The following WWOX variants were observed in gnomAD, a reference collection of about 807,000 sequenced individuals.
WWOX encodes the protein WW domain containing oxidoreductase.
Under a neutral mutation model 46.2 loss-of-function variants are expected in WWOX, and 69 were observed. The ratio of observed to expected loss-of-function variants is 1.49; its 90% CI spans 1.23 to 1.82. The LOEUF (loss-of-function observed/expected upper bound fraction) is 1.82. Ranked by LOEUF, WWOX falls within the 40% of genes most tolerant of loss-of-function variation. The pLI is 0.00. For synonymous variants in WWOX, 359 were observed against 202.6 expected (o/e 1.77, Z -6.56); for missense variants, 919 against 542.6 (o/e 1.69, Z -6.89).
At chr16:78,847,463 C>A (rs984627492) in intron 8 of WWOX, among the ~76,000 whole-genome samples, 1 of 151,904 alleles carries the variant, frequency 6.6e-6, no homozygotes, top group Non-Finnish European at 1.5e-5. Flanking sequence ...AATTCCAATC[C>A]AACACAACAA....
At chr16:79,062,936 C>G (rs2048380516) in intron 8 of WWOX, among the ~76,000 whole-genome samples, 1 of 152,198 alleles carries the variant, frequency 6.6e-6, no homozygotes, top group South Asian at 2.1e-4. Flanking sequence ...CTCAAAAGGT[C>G]AATTACCCAC....
At chr16:79,070,959 C>A (rs11863027) in intron 8 of WWOX, among the ~76,000 whole-genome samples, 2 of 152,182 alleles carry the variant, frequency 1.3e-5, no homozygotes, top group Non-Finnish European at 2.9e-5. Flanking sequence ...TGGTTTCTTA[C>A]TATGTCCCTC....
intron 8 of WWOX, among the ~76,000 whole-genome samples, chr16:79,009,900 A>G (rs1179320590): frequency 2.6e-5 from 4 of 152,194 alleles, no homozygotes; most frequent in Non-Finnish European, 5.9e-5. Flanking sequence ...TGAGCTTTGG[A>G]ACTTATCAAG....
chr16:78,223,751 T>G (rs1343814469), intron 5 of WWOX, among the ~76,000 whole-genome samples: 2 of 151,968 alleles, frequency 1.3e-5, no homozygotes, highest in African/African-American at 4.8e-5. Flanking sequence ...AGTGGCCACC[T>G]TTGTCAAATG....
At chr16:78,819,035 G>C (rs1490050698) in intron 8 of WWOX, among the ~76,000 whole-genome samples, 1 of 152,164 alleles carries the variant, frequency 6.6e-6, no homozygotes, top group Non-Finnish European at 1.5e-5. Flanking sequence ...AAATTAAATG[G>C]AAACGATAAC....
rs368097320 is a variant in WWOX, at chr16:78,309,875, T to TA, written c.517-76984dup. Among the ~76,000 whole-genome samples, 493 of 152,274 alleles carry TA rather than the reference T, an allele frequency of 3.2e-3. 1 individual carries two copies. Among genetic ancestry groups the TA allele is most frequent in the African/African-American group, 0.011 (468 of 41,554 alleles). Reference sequence around the variant, plus strand: ...TGACAGGTTGTTTAATTGTTCTAGTTAGAGTGTTCTCCTATGTAAATAGGG... The same window carrying TA: ...TGACAGGTTGTTTAATTGTTCTAGTTAAGAGTGTTCTCCTATGTAAATAGGG... On this transcript the variant is annotated intron_variant, in intron 5 of 8. Coordinates refer to ENST00000566780, the MANE Select transcript of WWOX (RefSeq NM_016373.4).
intron 8 of WWOX, among the ~76,000 whole-genome samples, chr16:78,443,151 A>G (rs2083483446): frequency 6.7e-6 from 1 of 149,924 alleles, no homozygotes; most frequent in Non-Finnish European, 1.5e-5. Context: ...AAAAAAAAAA[A>G]AAAAAAGGCT....
intron 8 of WWOX, among the ~76,000 whole-genome samples, chr16:78,817,946 G>C (rs1029974305): frequency 6.6e-6 from 1 of 151,080 alleles, no homozygotes; most frequent in Admixed American, 6.6e-5. Context: ...TTGTTGTGAA[G>C]AACACGTGCC....
At chr16:78,453,734 G>A (rs2083747473) in intron 8 of WWOX, among the ~76,000 whole-genome samples, 1 of 152,090 alleles carries the variant, frequency 6.6e-6, no homozygotes, top group African/African-American at 2.4e-5. Context: ...GTAATACAGG[G>A]TGAATTCCAT....
At chr16:78,805,121 A>T (rs1180260843) in intron 8 of WWOX, among the ~76,000 whole-genome samples, 6 of 150,574 alleles carry the variant, frequency 4.0e-5, no homozygotes, top group Non-Finnish European at 7.4e-5. Flanking sequence ...CTACCAAAAT[A>T]TCAAAATTTA....
chr16:78,453,488 C>T lies in WWOX; in HGVS notation c.1056+20736C>T, dbSNP rs548884996. ...GGTTTATAAAGACAACATGAGCTAG[C>T]GGTAGAAATGCGAATGGACGCTTGT... On this transcript the variant is annotated intron_variant, in intron 8 of 8. Transcript: ENST00000566780. 7.9e-5 allele frequency among the ~76,000 whole-genome samples: 12 copies of T among 152,034 alleles called. No individual in the cohort carries two copies. In the South Asian group the frequency reaches 1.7e-3, roughly 21 times the overall value.
At chr16:78,710,871 C>T (rs968002295) in intron 8 of WWOX, among the ~76,000 whole-genome samples, 10 of 152,090 alleles carry the variant, frequency 6.6e-5, no homozygotes, top group Non-Finnish European at 1.3e-4. Context: ...ACTCACTCGG[C>T]CTCCCAAAGT....
At chr16:79,132,869 A>G (rs1159926456) in intron 8 of WWOX, among the ~76,000 whole-genome samples, 1 of 152,214 alleles carries the variant, frequency 6.6e-6, no homozygotes, top group Non-Finnish European at 1.5e-5. Context: ...TCACATAAAT[A>G]TGCTTCAAAC....
At chr16:78,865,124 CAT>C (rs904578870) in intron 8 of WWOX, among the ~76,000 whole-genome samples, 2 of 152,096 alleles carry the variant, frequency 1.3e-5, no homozygotes, top group African/African-American at 2.4e-5. Context: ...TAACATATTA[CAT>C]ATGTTAATAT....
At chr16:78,886,930 C>G (rs546669981) in intron 8 of WWOX, among the ~76,000 whole-genome samples, 1 of 151,994 alleles carries the variant, frequency 6.6e-6, no homozygotes, top group African/African-American at 2.4e-5. Flanking sequence ...AAGCTTCTAT[C>G]CTATGAAAGT....
chr16:78,406,346 ATATATATATT>A (rs1412308679), intron 6 of WWOX, among the ~76,000 whole-genome samples: 10 of 80,434 alleles, frequency 1.2e-4, no homozygotes, highest in Admixed American at 5.0e-4. Flanking sequence ...ATATATATAT[ATATATATATT>A]TTATTATTTT....
chr16:78,778,205 C>T (rs1295506008), intron 8 of WWOX, among the ~76,000 whole-genome samples: 2 of 152,120 alleles, frequency 1.3e-5, no homozygotes, highest in African/African-American at 4.8e-5. Flanking sequence ...GATTTCCTAG[C>T]CATACCAGGC....
chr16:78,670,193 A>G (rs1056333257), intron 8 of WWOX, among the ~76,000 whole-genome samples: 8 of 152,130 alleles, frequency 5.3e-5, no homozygotes, highest in African/African-American at 1.9e-4. Context: ...CAGCAGGTCC[A>G]GCTCTAACCA....
intron 8 of WWOX, among the ~76,000 whole-genome samples, chr16:78,493,804 T>C (rs539060442): frequency 1.6e-3 from 245 of 152,262 alleles, no homozygotes; most frequent in African/African-American, 5.7e-3. Context: ...GTGGAATTGT[T>C]GTGTGAGCCT....
Sources: gnomAD v4.1 joint callset for allele counts (sites outside exome capture counted in the v4.1 genomes callset) on GRCh38, gnomAD v4.1.1 for gene constraint, MANE v1.5 for transcripts, NCBI Gene and HGNC (gene_info 2026-07-23, HGNC 2026-07-21) for gene names.